Variants in RPL26L1 observed in about 807,000 individuals in gnomAD.
RPL26L1 encodes the protein ribosomal protein uL24-like.
In RPL26L1, 8 loss-of-function variants were observed where a neutral mutation model predicts 15.2. The observed-to-expected ratio is 0.53, with a 90% CI of 0.31 to 0.95. The LOEUF (loss-of-function observed/expected upper bound fraction) is 0.95, where lower values mean the gene tolerates loss of function less well. Ranked by LOEUF, RPL26L1 falls within the 40% of genes least tolerant of loss-of-function variation. The pLI, the probability that RPL26L1 is intolerant of heterozygous loss-of-function variation, is 0.05. For missense variants in RPL26L1, 146 were observed against 190.9 expected, an observed-to-expected ratio of 0.76 and a Z score of 1.39; for synonymous variants, 51 against 65.9, an observed-to-expected ratio of 0.77 and a Z score of 1.09.
upstream of RPL26L1, among the ~76,000 whole-genome samples, chr5:172,954,520 A>T (rs1435694301): frequency 6.6e-6 from 1 of 151,940 alleles, no homozygotes. Flanking sequence ...GGCTGCAGTG[A>T]ACCAAGATCT....
chr5:172,955,667 T>A (rs1394873194), upstream of RPL26L1: 1 of 152,452 alleles, frequency 6.6e-6, no homozygotes, highest in Non-Finnish European at 1.5e-5. Flanking sequence ...TTCCTGTCAG[T>A]TATGGAGTGA....
upstream of RPL26L1, chr5:172,954,844 C>T: frequency 2.3e-6 from 1 of 427,980 alleles, no homozygotes; most frequent in Non-Finnish European, 4.7e-6. Context: ...ATTGTCTAAC[C>T]AGATGTGGAT....
chr5:172,963,338 C>T (rs1581608203), intron 2 of RPL26L1, among the ~76,000 whole-genome samples: 1 of 150,696 alleles, frequency 6.6e-6, no homozygotes, highest in East Asian at 1.9e-4. Context: ...TGCGCCACTG[C>T]ACTCCAGCCT....
At position 172,965,860 on chromosome 5, in the gene RPL26L1, A is replaced by C. The variant is rs187517961; in HGVS notation, c.169-2599A>C. On this transcript the variant is annotated intron_variant, in intron 2 of 3. Transcript: ENST00000265100. Reference sequence around the variant, plus strand: ...CCAGTTGGCATTCCAGCTGTGTCTGAATTCTCTGTTAGAATGTCCCCAGAT... The same window carrying C: ...CCAGTTGGCATTCCAGCTGTGTCTGCATTCTCTGTTAGAATGTCCCCAGAT... Among the ~76,000 whole-genome samples, 4 of 152,324 alleles carry C rather than the reference A, an allele frequency of 2.6e-5. No homozygotes were observed. In the East Asian group the frequency reaches 7.7e-4, roughly 29 times the overall value.
intron 2 of RPL26L1, among the ~76,000 whole-genome samples, chr5:172,961,201 G>C (rs1363566916): frequency 6.6e-6 from 1 of 152,174 alleles, no homozygotes; most frequent in Non-Finnish European, 1.5e-5. Context: ...AAAATGTGGA[G>C]TTAAGCCGGA....
At chr5:172,957,827 C>T (rs541511975), upstream of RPL26L1, 21 of 165,330 alleles carry the variant, frequency 1.3e-4, no homozygotes, top group South Asian at 2.9e-3. Flanking sequence ...CCTGGGCACA[C>T]GCACAGCTGG....
chr5:172,955,363 A>C (rs1267361791), upstream of RPL26L1: 1 of 195,012 alleles, frequency 5.1e-6, no homozygotes, highest in Non-Finnish European at 1.1e-5. Flanking sequence ...TCCTGACCTC[A>C]GGTGATCCAC....
chr5:172,962,648 C>A (rs1426630417), intron 2 of RPL26L1, among the ~76,000 whole-genome samples: 1 of 151,782 alleles, frequency 6.6e-6, no homozygotes, highest in Non-Finnish European at 1.5e-5. Context: ...AAACCCATCT[C>A]TACTAAAAAT....
Position 172,969,757 on chromosome 5 carries a change from T to C in RPL26L1, c.*216T>C. On this transcript the variant is annotated 3_prime_UTR_variant, in exon 4 of 4. Transcript: ENST00000265100. Reference sequence around the variant, plus strand: ...TATTTGCATTGTTTTATAAATAAATTCCACTTACTATCAATTCCCCTTTGC... The same window carrying C: ...TATTTGCATTGTTTTATAAATAAATCCCACTTACTATCAATTCCCCTTTGC... 1 of 402,682 alleles carries C rather than the reference T, an allele frequency of 2.5e-6. No individual in the cohort carries two copies. The allele number at this position is 402,682 out of a possible 1,614,324, so 24.9% of individuals were successfully genotyped here. A position where few individuals can be genotyped will look rare whatever the true frequency, so the allele number is the denominator to read the frequency against.
chr5:172,959,275 G>A (rs1755118893), upstream of RPL26L1: 2 of 612,714 alleles, frequency 3.3e-6, no homozygotes, highest in Non-Finnish European at 4.1e-6. Flanking sequence ...TACACAAGCA[G>A]GCCCTTGTAC....
At chr5:172,955,768 T>A (rs1247996430), upstream of RPL26L1, 1 of 152,260 alleles carries the variant, frequency 6.6e-6, no homozygotes, top group Non-Finnish European at 1.5e-5. Context: ...AGGCCAGATC[T>A]TCCTTCGAGA....
rs539624114 is a variant in RPL26L1 at position 172,959,527 on chromosome 5, C to T, written c.-10+59C>T. On this transcript the variant is annotated intron_variant, in intron 1 of 3. Transcript: ENST00000265100. ...ACTCTACCGCCCCGTGAGACCCTGC[C>T]CTATGTGTCGCGGGAACACATGTCA... 10 of 1,114,048 alleles carry T rather than the reference C, an allele frequency of 9.0e-6. No individual in the cohort carries two copies. In the East Asian group the frequency reaches 5.5e-4, roughly 62 times the overall value. The allele number at this position is 1,114,048 out of a possible 1,614,324, so 69.0% of individuals were successfully genotyped here. A position where few individuals can be genotyped will look rare whatever the true frequency, so the allele number is the denominator to read the frequency against.
chr5:172,955,005 TGAG>T (rs1408916259), upstream of RPL26L1: 3 of 455,692 alleles, frequency 6.6e-6, no homozygotes, highest in Non-Finnish European at 1.3e-5. Context: ...ACGTGCTTCG[TGAG>T]GAGAGAAGCT....
chr5:172,954,272 T>A (rs1764302086), upstream of RPL26L1, among the ~76,000 whole-genome samples: 1 of 151,952 alleles, frequency 6.6e-6, no homozygotes, highest in African/African-American at 2.4e-5. Flanking sequence ...ACAAGACAAC[T>A]GTAAAAGATT....
At chr5:172,962,769 T>C (rs1373063541) in intron 2 of RPL26L1, among the ~76,000 whole-genome samples, 2 of 133,850 alleles carry the variant, frequency 1.5e-5, no homozygotes, top group Non-Finnish European at 3.0e-5. Flanking sequence ...TGAGCCAAGA[T>C]CATGCCACTG....
chr5:172,960,135 G>A (rs1470541519), intron 2 of RPL26L1, 94 bp downstream of exon 2: 3 of 1,442,128 alleles, frequency 2.1e-6, no homozygotes, highest in African/African-American at 2.8e-5. Flanking sequence ...TCAGGACTCT[G>A]GAAAGTAGTG....
chr5:172,955,503 G>A (rs1754942774), upstream of RPL26L1: 1 of 156,124 alleles, frequency 6.4e-6, no homozygotes, highest in African/African-American at 2.4e-5. Context: ...GAGGCCACTG[G>A]AGGTCTCAAT....
chr5:172,969,409 A>G lies in RPL26L1; in HGVS notation c.310-4A>G, dbSNP rs758859830. ...ATAAAGACCTGTTTTCTCACTCCCA[A>G]CAGGTGGTTATCACCAGGCTAAAAC... On this transcript the variant is annotated splice_polypyrimidine_tract_variant and splice_region_variant and intron_variant, in intron 3 of 3. Transcript: ENST00000265100. 4.4e-6 allele frequency: 7 copies of G among 1,608,876 alleles called. No individual in the cohort carries two copies. Among genetic ancestry groups the G allele is most frequent in the Admixed American group, 1.7e-5 (1 of 59,356 alleles).
chr5:172,960,076 A>G, intron 2 of RPL26L1, 35 bp downstream of exon 2: 1 of 1,612,604 alleles, frequency 6.2e-7, no homozygotes, highest in Non-Finnish European at 8.5e-7. Flanking sequence ...GCGCTCGGAC[A>G]CCGTTGCCTA....
Sources: gnomAD v4.1 joint callset for allele counts (sites outside exome capture counted in the v4.1 genomes callset) on GRCh38, gnomAD v4.1.1 for gene constraint, MANE v1.5 for transcripts, NCBI Gene and HGNC (gene_info 2026-07-23, HGNC 2026-07-21) for gene names.